Variants in OPRD1 observed in about 807,000 individuals in gnomAD.
OPRD1 encodes the protein opioid receptor delta 1.
Under a neutral mutation model 17.5 loss-of-function variants are expected in OPRD1, and 19 were observed. The observed-to-expected ratio is 1.09, with a 90% confidence interval of 0.76 to 1.60. The LOEUF is 1.60. Among genes scored for constraint, OPRD1 ranks in the 40% most tolerant of loss-of-function variants. The probability of loss-of-function intolerance (pLI) is 0.00; values close to 1 mark genes in which losing one functional copy is unlikely to be tolerated. For synonymous variants in OPRD1, 256 were observed against 240.9 expected (o/e 1.06, Z -0.58); for missense variants, 483 against 547.2 (o/e 0.88, Z 1.17).
chr1:28,812,383 C>T lies in OPRD1; in HGVS notation c.-1C>T, dbSNP rs1169398650. On this transcript the variant is annotated 5_prime_UTR_variant, in exon 1 of 3. Coordinates refer to ENST00000234961, the MANE Select transcript of OPRD1 (RefSeq NM_000911.4). ...GGACGCGGCGGAGCCGGCCGGCAGC[C>T]ATGGAACCGGCCCCCTCCGCCGGCG... 2.1e-6 allele frequency: 3 copies of T among 1,397,994 alleles called. No homozygotes were observed. Among genetic ancestry groups the T allele is most frequent in the Non-Finnish European group, 2.8e-6 (3 of 1,084,148 alleles). 86.6% of individuals were successfully genotyped at this position (1,397,994 alleles called of 1,614,324 possible). A position where few individuals can be genotyped will look rare whatever the true frequency, so the allele number is the denominator to read the frequency against.
At chr1:28,816,683 C>A (rs923101842) in intron 1 of OPRD1, among the ~76,000 whole-genome samples, 6 of 152,128 alleles carry the variant, frequency 3.9e-5, no homozygotes, top group Non-Finnish European at 8.8e-5. Context: ...GAGCATCACC[C>A]CCTCCTCCTG....
rs1453030353 is a variant in OPRD1 at position 28,862,923 on chromosome 1, C to T, written c.759C>T (p.Asp253=). 1 of 1,612,722 alleles carries T rather than the reference C, an allele frequency of 6.2e-7. No individual in the cohort carries two copies. The highest frequency in any genetic ancestry group is 1.3e-5 in the African/African-American group (1 of 74,962). ...VRLLSGSKEK[D]RSLRRITRMV... ...TGCTGTCGGGCTCCAAGGAGAAGGA[C>T]CGCAGCCTGCGGCGCATCACGCGCA... The change falls in exon 3 of 3, where the codon GAC becomes GAT. Residue 253 remains aspartate, a synonymous_variant. Transcript: ENST00000234961.
chr1:28,840,012 G>C (rs568899411), intron 1 of OPRD1, among the ~76,000 whole-genome samples: 1 of 152,304 alleles, frequency 6.6e-6, no homozygotes, highest in East Asian at 1.9e-4. Context: ...CTGCACTCAG[G>C]GTTCCTCCAG....
intron 1 of OPRD1, among the ~76,000 whole-genome samples, chr1:28,851,763 C>T (rs10915204): frequency 0.17 from 24,599 of 147,742 alleles, 2,273 homozygotes; most frequent in Admixed American, 0.24. Context: ...CCCAGCTACT[C>T]GGGAGGCTGA....
Position 28,869,888 on chromosome 1 carries a change from AT to A in OPRD1, c.*6608del, listed in dbSNP as rs2089202867. The A allele has an allele frequency of 6.6e-6, 1 of 151,774 alleles. No individual in the cohort carries two copies. Among genetic ancestry groups the A allele is most frequent in the African/African-American group, 2.4e-5 (1 of 41,258 alleles). The allele number at this position is 151,774 out of a possible 1,614,324, so 9.4% of individuals were successfully genotyped here. A position where few individuals can be genotyped will look rare whatever the true frequency, so the allele number is the denominator to read the frequency against. ...CCTTGGTAGATCCCTCTCCCCATCCATTTCTTCCTTGCCTTGGAAGTCCTGC... is the reference window on the plus strand; with the variant it reads ...CCTTGGTAGATCCCTCTCCCCATCCATTCTTCCTTGCCTTGGAAGTCCTGC... On this transcript the variant is annotated 3_prime_UTR_variant, in exon 3 of 3. Coordinates refer to ENST00000234961, the MANE Select transcript of OPRD1 (RefSeq NM_000911.4).
chr1:28,825,520 G>A (rs955330685), intron 1 of OPRD1, among the ~76,000 whole-genome samples: 3 of 152,178 alleles, frequency 2.0e-5, no homozygotes, highest in African/African-American at 7.2e-5. Context: ...TGAGTAGCTT[G>A]GATTACAGGC....
intron 1 of OPRD1, among the ~76,000 whole-genome samples, chr1:28,818,956 C>A (rs1268048363): frequency 6.6e-6 from 1 of 151,246 alleles, no homozygotes; most frequent in East Asian, 1.9e-4. Flanking sequence ...CTTTGGGTCA[C>A]AGGCCATGGG....
chr1:28,828,031 T>G (rs766706157), intron 1 of OPRD1, among the ~76,000 whole-genome samples: 1 of 152,168 alleles, frequency 6.6e-6, no homozygotes, highest in Non-Finnish European at 1.5e-5. Flanking sequence ...CCACCACACC[T>G]GGCCACAAAT....
intron 1 of OPRD1, among the ~76,000 whole-genome samples, chr1:28,825,451 T>C (rs2088759220): frequency 6.6e-6 from 1 of 152,014 alleles, no homozygotes; most frequent in South Asian, 2.1e-4. Context: ...AGTGGCACGA[T>C]CTCGGCTCAC....
In OPRD1 at chr1:28,863,118, C is replaced by G; in HGVS notation, c.954C>G (p.Tyr318Ter). The G allele has an allele frequency of 6.2e-7, 1 of 1,610,162 alleles. No individual in the cohort carries two copies. Residue 318 changes from tyrosine to a stop codon, truncating the protein, a stop_gained, in exon 3 of 3, where the codon TAC becomes TAG. Transcript: ENST00000234961. LOFTEE classifies it high-confidence loss of function. ...YANSSLNPVL[Y>*]AFLDENFKRC... ...ATAGCAGCCTCAACCCCGTGCTCTA[C>G]GCTTTCCTCGACGAGAACTTCAAGC... is the stretch of plus-strand genomic sequence containing the variant.
chr1:28,858,997 C>G lies in OPRD1; in HGVS notation c.271C>G (p.Leu91Val). 1 of 1,613,688 alleles carries G rather than the reference C, an allele frequency of 6.2e-7. No homozygotes were observed. The highest frequency in any genetic ancestry group is 8.5e-7 in the Non-Finnish European group (1 of 1,180,030). Residue 91 changes from leucine (L) to valine (V), a missense_variant, in exon 2 of 3, where the codon CTG becomes GTG. Leu to Val is a conservative substitution (Grantham distance 32). Transcript: ENST00000234961. ...KTATNIYIFNLALADALATST... is the reference protein window; with the variant it reads ...KTATNIYIFNVALADALATST... ...GGCCACCAACATCTACATCTTCAAC[C>G]TGGCCTTAGCCGATGCGCTGGCCAC...
intron 1 of OPRD1, among the ~76,000 whole-genome samples, chr1:28,829,964 C>A (rs2088797660): frequency 6.6e-6 from 1 of 152,148 alleles, no homozygotes; most frequent in Non-Finnish European, 1.5e-5. Context: ...CCAGCTCAGC[C>A]TCCCAAAGTG....
intron 1 of OPRD1, among the ~76,000 whole-genome samples, chr1:28,838,363 A>AGAAG (rs1290138249): frequency 1.3e-5 from 2 of 152,232 alleles, no homozygotes; most frequent in Non-Finnish European, 2.9e-5. Context: ...TTGAAGAAGC[A>AGAAG]GAAGGAACTT....
Position 28,863,089 on chromosome 1 carries a change from G to C in OPRD1, c.925G>C (p.Ala309Pro). ...ALHLCIALGY[A>P]NSSLNPVLYA... ...GCACCTGTGCATCGCGCTGGGCTACGCCAATAGCAGCCTCAACCCCGTGCT... is the reference window on the plus strand; with the variant it reads ...GCACCTGTGCATCGCGCTGGGCTACCCCAATAGCAGCCTCAACCCCGTGCT... The change falls in exon 3 of 3, where the codon GCC becomes CCC. Residue 309 changes from alanine to proline, a missense_variant. Coordinates refer to ENST00000234961, the MANE Select transcript of OPRD1 (RefSeq NM_000911.4). The C allele has an allele frequency of 1.2e-6, 2 of 1,608,734 alleles. No individual in the cohort carries two copies. The highest frequency in any genetic ancestry group is 1.7e-6 in the Non-Finnish European group (2 of 1,178,358).
intron 2 of OPRD1, among the ~76,000 whole-genome samples, chr1:28,861,915 T>G (rs974588374): frequency 3.6e-5 from 5 of 139,082 alleles, no homozygotes; most frequent in African/African-American, 1.1e-4. Context: ...TTTCTTTTCT[T>G]TTTTTTTTTT....
intron 1 of OPRD1, among the ~76,000 whole-genome samples, chr1:28,814,318 C>T (rs921166492): frequency 5.3e-5 from 8 of 152,168 alleles, no homozygotes; most frequent in African/African-American, 1.7e-4. Context: ...TCTTCTTCCA[C>T]AGGGTTGTTG....
intron 1 of OPRD1, among the ~76,000 whole-genome samples, chr1:28,830,115 A>T (rs1243683160): frequency 6.6e-6 from 1 of 152,054 alleles, no homozygotes; most frequent in African/African-American, 2.4e-5. Context: ...AGGGAGAGAG[A>T]TGGGGCAATG....
Position 28,866,260 on chromosome 1 carries a change from C to T in OPRD1, c.*2977C>T, listed in dbSNP as rs1292755818. The T allele has an allele frequency of 1.3e-5, 2 of 152,196 alleles. No homozygotes were observed. Among genetic ancestry groups the T allele is most frequent in the African/African-American group, 4.8e-5 (2 of 41,438 alleles). The allele number at this position is 152,196 out of a possible 1,614,324, so 9.4% of individuals were successfully genotyped here. A position where few individuals can be genotyped will look rare whatever the true frequency, so the allele number is the denominator to read the frequency against. ...TGTCACAGGGAAGTGCCTTTTCTAG[C>T]TTTTCACTAAAACACATGTTTGTCG... On this transcript the variant is annotated 3_prime_UTR_variant, in exon 3 of 3. Coordinates refer to ENST00000234961, the MANE Select transcript of OPRD1 (RefSeq NM_000911.4).
intron 1 of OPRD1, among the ~76,000 whole-genome samples, chr1:28,831,792 C>A (rs554420564): frequency 2.0e-5 from 3 of 152,160 alleles, no homozygotes; most frequent in South Asian, 2.1e-4. Context: ...CCTGCCTTGG[C>A]CTCCCAAAGT....
Sources: gnomAD v4.1 joint callset for allele counts (sites outside exome capture counted in the v4.1 genomes callset) on GRCh38, gnomAD v4.1.1 for gene constraint, MANE v1.5 for transcripts, NCBI Gene and HGNC (gene_info 2026-07-23, HGNC 2026-07-21) for gene names.